KSR2: variants seen among roughly 807,000 people sequenced by gnomAD.
KSR2 encodes kinase suppressor of ras 2.
A neutral mutation model predicts 107.8 loss-of-function variants in KSR2; 25 were observed. The ratio of observed to expected loss-of-function variants is 0.23; its 90% CI spans 0.17 to 0.32. The LOEUF (loss-of-function observed/expected upper bound fraction) is 0.32, where lower values mean the gene tolerates loss of function less well. Among genes scored for constraint, KSR2 ranks in the 10% least tolerant of loss-of-function variants. KSR2 has a pLI of 1.00. For missense variants in KSR2, 887 were observed against 1,268.9 expected (o/e 0.70, Z 4.57); for synonymous variants, 480 against 507.0 (o/e 0.95, Z 0.71).
intron 3 of KSR2, among the ~76,000 whole-genome samples, chr12:117,781,656 T>C (rs1313409743): frequency 1.3e-5 from 2 of 152,206 alleles, no homozygotes; most frequent in African/African-American, 4.8e-5. Flanking sequence ...GGACCATGTC[T>C]TGGTATCTTC....
At chr12:117,594,891 T>C (rs1880542240) in intron 5 of KSR2, among the ~76,000 whole-genome samples, 1 of 152,200 alleles carries the variant, frequency 6.6e-6, no homozygotes, top group East Asian at 1.9e-4. Context: ...AGACCAGGGA[T>C]GCTACAAACG....
chr12:117,773,874 C>CT (rs903279716), intron 3 of KSR2, among the ~76,000 whole-genome samples: 2 of 152,126 alleles, frequency 1.3e-5, no homozygotes, highest in African/African-American at 4.8e-5. Context: ...TGCTGTGCCC[C>CT]TACCATGTGC....
At chr12:117,601,346 T>A (rs187705956) in intron 5 of KSR2, among the ~76,000 whole-genome samples, 250 of 151,244 alleles carry the variant, frequency 1.7e-3, no homozygotes, top group Middle Eastern at 3.5e-3. Flanking sequence ...TCCCCAAAAT[T>A]TACATTCACC....
chr12:117,881,096 C>T (rs1000034841), intron 1 of KSR2, among the ~76,000 whole-genome samples: 1 of 151,986 alleles, frequency 6.6e-6, no homozygotes, highest in Non-Finnish European at 1.5e-5. Context: ...TTGTTTTTGT[C>T]ATCTTTGCAT....
In KSR2 at chr12:117,458,224, G is replaced by A. The variant is rs897123487; in HGVS notation, c.*8975C>T. On this transcript the variant is annotated 3_prime_UTR_variant, in exon 20 of 20. Transcript: ENST00000339824. ...AAACCCAGAATGCCAGCATCTGTGT[G>A]AGGACACAAAGACCTCTCTTCTACC... is the stretch of plus-strand genomic sequence containing the variant. 6.6e-6 allele frequency: 1 copy of A among 152,190 alleles called. No individual in the cohort carries two copies. Among genetic ancestry groups the A allele is most frequent in the African/African-American group, 2.4e-5 (1 of 41,450 alleles). 9.4% of individuals were successfully genotyped at this position (152,190 alleles called of 1,614,324 possible).
chr12:117,668,945 T>G (rs539102282), intron 4 of KSR2, among the ~76,000 whole-genome samples: 3 of 152,042 alleles, frequency 2.0e-5, no homozygotes, highest in Non-Finnish European at 4.4e-5. Flanking sequence ...GATCTCTAAA[T>G]GGTAAAAGGA....
chr12:117,600,842 A>AT (rs1880899923), intron 5 of KSR2, among the ~76,000 whole-genome samples: 2 of 152,010 alleles, frequency 1.3e-5, no homozygotes, highest in Non-Finnish European at 2.9e-5. Flanking sequence ...CAGGCAAAAG[A>AT]TGTTCTCTGT....
At chr12:117,858,941 G>A (rs769937509) in intron 2 of KSR2, among the ~76,000 whole-genome samples, 3 of 152,150 alleles carry the variant, frequency 2.0e-5, no homozygotes, top group Non-Finnish European at 2.9e-5. Flanking sequence ...ATGTCCGCTG[G>A]TTTTATTAGG....
chr12:117,531,093 G>A, intron 11 of KSR2, 80 bp from the exon 12 acceptor site: 1 of 1,169,268 alleles, frequency 8.6e-7, no homozygotes, highest in South Asian at 1.3e-5. Context: ...TGGGCGACAT[G>A]GCAGCCAATT....
At chr12:117,783,498 A>G (rs1889955561) in intron 3 of KSR2, among the ~76,000 whole-genome samples, 1 of 152,246 alleles carries the variant, frequency 6.6e-6, no homozygotes, top group Non-Finnish European at 1.5e-5. Context: ...TACTTAAAAA[A>G]TACCCATCCC....
chr12:117,533,283 T>C (rs1417091720), intron 10 of KSR2, among the ~76,000 whole-genome samples: 3 of 152,240 alleles, frequency 2.0e-5, no homozygotes, highest in Non-Finnish European at 4.4e-5. Context: ...TTGAAATGTA[T>C]TGATAGTTTC....
Position 117,527,079 on chromosome 12 carries a change from T to C in KSR2, c.1843A>G (p.Thr615Ala), listed in dbSNP as rs1273486624. ...TGCTCTCTGATTCTCACCTCCGACG[T>C]TGGCTCCACTTCAATTTGAAGTAAT... ...NPLLQIEVEP[T>A]SENEEVHDEA... The change falls in exon 13 of 20, where the codon ACG (threonine) becomes GCG (alanine). Residue 615 changes from threonine to alanine, a missense_variant. Thr to Ala is a moderately conservative substitution (Grantham distance 58, BLOSUM62 0). This residue lies in a region of KSR2 where 308 missense variants were observed against 506.2 expected (regional missense o/e 0.61). Transcript: ENST00000339824. 6.2e-7 allele frequency: 1 copy of C among 1,613,802 alleles called. No homozygotes were observed. The highest frequency in any genetic ancestry group is 8.5e-7 in the Non-Finnish European group (1 of 1,179,734).
In KSR2 at chr12:117,632,422, T is replaced by C. The variant is rs551095283; in HGVS notation, c.1171+35052A>G. Among the ~76,000 whole-genome samples, 3 of 152,048 alleles carry C rather than the reference T, an allele frequency of 2.0e-5. No individual in the cohort carries two copies. The East Asian group carries it at 5.8e-4, about 29-fold the overall frequency. ...TTTGTATTTTTAGTAGAGACGGGGT[T>C]TCACTTTGTTGGCCAGGCTGGTCTC... On this transcript the variant is annotated intron_variant, in intron 5 of 19. Coordinates refer to ENST00000339824, the MANE Select transcript of KSR2 (RefSeq NM_173598.6).
chr12:117,553,631 T>G (rs1877459558), intron 9 of KSR2, among the ~76,000 whole-genome samples: 1 of 152,114 alleles, frequency 6.6e-6, no homozygotes, highest in African/African-American at 2.4e-5. Context: ...GATATTTGTC[T>G]CCTCCAAATC....
intron 1 of KSR2, among the ~76,000 whole-genome samples, chr12:117,945,726 G>A (rs1233108526): frequency 1.3e-5 from 2 of 152,112 alleles, no homozygotes; most frequent in African/African-American, 4.8e-5. Context: ...GAGGAGCGAT[G>A]TCAGCAAGAT....
At chr12:117,824,623 G>A (rs564753619) in intron 3 of KSR2, among the ~76,000 whole-genome samples, 7 of 152,098 alleles carry the variant, frequency 4.6e-5, no homozygotes, top group African/African-American at 9.6e-5. Context: ...TTGGGAGGCC[G>A]AGGCGGGCGG....
At chr12:117,497,408 G>C (rs1485557633) in intron 14 of KSR2, among the ~76,000 whole-genome samples, 4 of 152,138 alleles carry the variant, frequency 2.6e-5, no homozygotes, top group Non-Finnish European at 4.4e-5. Flanking sequence ...CCACTACATT[G>C]TGTTCTTTCA....
chr12:117,480,028 ATGTGTGTG>A (rs55877244), intron 16 of KSR2, among the ~76,000 whole-genome samples: 3 of 148,538 alleles, frequency 2.0e-5, no homozygotes, highest in African/African-American at 7.5e-5. Flanking sequence ...ACACATGTGT[ATGTGTGTG>A]TGTGTGTGTG....
At position 117,671,208 on chromosome 12, in the gene KSR2, C is replaced by T. The variant is rs1884891517; in HGVS notation, c.987-3550G>A. On this transcript the variant is annotated intron_variant, in intron 4 of 19. Transcript: ENST00000339824. The stretch of plus-strand genomic sequence containing the variant: ...TCCTCCAGGAAGTCTTCCTTGATAT[C>T]CTAATTCATTTCGGCATGGGTTGGG... Among the ~76,000 whole-genome samples, 4 of 152,260 alleles carry T rather than the reference C, an allele frequency of 2.6e-5. No homozygotes were observed. In the South Asian group the frequency reaches 8.3e-4, roughly 32 times the overall value.
Sources: allele counts gnomAD v4.1 joint callset (sites outside exome capture counted in the v4.1 genomes callset), GRCh38; gene constraint gnomAD v4.1.1; regional missense constraint gnomAD v4.1.1; transcripts MANE v1.5; gene names NCBI Gene and HGNC (gene_info 2026-07-23, HGNC 2026-07-21).